ROBO1: variants seen among roughly 807,000 people sequenced by gnomAD.
The protein encoded by ROBO1 is roundabout homolog 1.
Under a neutral mutation model 195.9 loss-of-function variants are expected in ROBO1, and 149 were observed. That is an observed-to-expected ratio of 0.76 (90% confidence interval 0.67 to 0.87). The LOEUF (loss-of-function observed/expected upper bound fraction) is 0.87, where lower values mean the gene tolerates loss of function less well. Ranked by LOEUF, ROBO1 falls within the 40% of genes least tolerant of loss-of-function variation. The pLI, the probability that ROBO1 is intolerant of heterozygous loss-of-function variation, is 0.00. For synonymous variants in ROBO1, 816 were observed against 733.2 expected (o/e 1.11, Z -1.82); for missense variants, 1,933 against 2,068.3 (o/e 0.93, Z 1.27).
intron 23 of ROBO1, 149 bp downstream of exon 23, chr3:78,635,624 C>T (rs1705446754): frequency 3.2e-6 from 2 of 616,194 alleles, no homozygotes; most frequent in Non-Finnish European, 5.4e-6. Context: ...AACTCTTTGA[C>T]ACTGGAAATT....
chr3:78,774,620 TC>T (rs776789183), intron 4 of ROBO1, among the ~76,000 whole-genome samples: 1,880 of 58,246 alleles, frequency 0.032, 43 homozygotes, highest in Admixed American at 0.13. Context: ...AAAAAAAAAA[TC>T]TACCACTTGA....
At chr3:78,822,497 A>C (rs939202750) in intron 4 of ROBO1, among the ~76,000 whole-genome samples, 1 of 152,220 alleles carries the variant, frequency 6.6e-6, no homozygotes, top group African/African-American at 2.4e-5. Context: ...CCAAGGGACT[A>C]GAGAATGAGC....
intron 3 of ROBO1, among the ~76,000 whole-genome samples, chr3:79,023,598 C>T (rs1419635279): frequency 4.0e-5 from 6 of 150,570 alleles, no homozygotes; most frequent in Admixed American, 4.0e-4. Context: ...AAACAAAAAT[C>T]ACAGGGAGGA....
chr3:78,961,350 G>C (rs1229469811), intron 3 of ROBO1, among the ~76,000 whole-genome samples: 2 of 152,184 alleles, frequency 1.3e-5, no homozygotes, highest in Non-Finnish European at 2.9e-5. Flanking sequence ...ATAACCCACA[G>C]AATGCTTGTT....
intron 2 of ROBO1, among the ~76,000 whole-genome samples, chr3:79,408,676 T>A (rs1235258241): frequency 2.0e-5 from 3 of 152,116 alleles, no homozygotes; most frequent in African/African-American, 4.8e-5. Flanking sequence ...AGATGTTATA[T>A]CTTAAGCTGT....
chr3:79,368,508 G>C (rs1362437743), intron 2 of ROBO1, among the ~76,000 whole-genome samples: 1 of 151,998 alleles, frequency 6.6e-6, no homozygotes, highest in Non-Finnish European at 1.5e-5. Flanking sequence ...TTTTCTGGGA[G>C]CTCAGAGCTC....
At chr3:79,683,811 T>C (rs1290506826) in intron 1 of ROBO1, among the ~76,000 whole-genome samples, 1 of 152,138 alleles carries the variant, frequency 6.6e-6, no homozygotes, top group African/African-American at 2.4e-5. Context: ...TAATATTTCA[T>C]TGTTTGGATA....
intron 4 of ROBO1, among the ~76,000 whole-genome samples, chr3:78,774,696 AAAC>A (rs973664053): frequency 4.6e-5 from 7 of 152,206 alleles, no homozygotes; most frequent in African/African-American, 1.2e-4. Context: ...GTTACAAAGC[AAAC>A]AACAATAGGA....
At chr3:78,634,193 T>C (rs372805746) in intron 23 of ROBO1, among the ~76,000 whole-genome samples, 151 bp from the exon 24 acceptor site, 7 of 152,130 alleles carry the variant, frequency 4.6e-5, no homozygotes, top group African/African-American at 1.4e-4. Context: ...ATTCAGATTG[T>C]CAGGATATAA....
intron 1 of ROBO1, among the ~76,000 whole-genome samples, chr3:79,765,660 T>A (rs1704946381): frequency 6.6e-6 from 1 of 152,130 alleles, no homozygotes; most frequent in African/African-American, 2.4e-5. Context: ...TTTTTTGTAA[T>A]TATTATATCC....
At chr3:79,692,744 TATATC>T (rs1215074539) in intron 1 of ROBO1, among the ~76,000 whole-genome samples, 1 of 151,834 alleles carries the variant, frequency 6.6e-6, no homozygotes, top group East Asian at 1.9e-4. Flanking sequence ...ATATATATTG[TATATC>T]ATATGACTAT....
chr3:79,172,470 G>A (rs146746179), intron 2 of ROBO1, among the ~76,000 whole-genome samples: 5 of 152,246 alleles, frequency 3.3e-5, no homozygotes, highest in East Asian at 3.9e-4. Flanking sequence ...TGGATTGCCC[G>A]TGTAAGGAAG....
At chr3:79,098,483 G>A (rs968788703) in intron 3 of ROBO1, among the ~76,000 whole-genome samples, 4 of 151,796 alleles carry the variant, frequency 2.6e-5, no homozygotes, top group African/African-American at 9.7e-5. Context: ...CTCAGGGGCT[G>A]TCTGTCTCAG....
At chr3:78,879,757 T>C (rs986606352) in intron 4 of ROBO1, among the ~76,000 whole-genome samples, 1 of 152,270 alleles carries the variant, frequency 6.6e-6, no homozygotes, top group Admixed American at 6.5e-5. Flanking sequence ...CTTTGGGAAC[T>C]GGCTCTTGTT....
chr3:78,813,086 GATTC>G (rs2084791126), intron 4 of ROBO1, among the ~76,000 whole-genome samples: 2 of 151,894 alleles, frequency 1.3e-5, no homozygotes, highest in African/African-American at 4.8e-5. Context: ...CATTTTAAGT[GATTC>G]ATTAACAAAA....
At chr3:78,843,673 T>G (rs2033443971) in intron 4 of ROBO1, among the ~76,000 whole-genome samples, 1 of 152,046 alleles carries the variant, frequency 6.6e-6, no homozygotes, top group Admixed American at 6.6e-5. Context: ...TGAAAACAAA[T>G]GATACAATAT....
intron 25 of ROBO1, among the ~76,000 whole-genome samples, chr3:78,627,907 T>A (rs182520514): frequency 6.6e-6 from 1 of 152,212 alleles, no homozygotes; most frequent in East Asian, 1.9e-4. Flanking sequence ...AAAGATGGTA[T>A]TACAGAGGAC....
intron 4 of ROBO1, among the ~76,000 whole-genome samples, chr3:78,900,242 G>C (rs942133441): frequency 6.6e-6 from 1 of 152,104 alleles, no homozygotes; most frequent in African/African-American, 2.4e-5. Context: ...AATTTGGTTT[G>C]CCAGGGGAAT....
At chr3:79,218,492 C>T (rs2082088370) in intron 2 of ROBO1, among the ~76,000 whole-genome samples, 2 of 151,932 alleles carry the variant, frequency 1.3e-5, no homozygotes, top group African/African-American at 4.8e-5. Context: ...CAAAATGCAT[C>T]TCTCTTATAC....
Sources: allele counts gnomAD v4.1 joint callset (sites outside exome capture counted in the v4.1 genomes callset), GRCh38; gene constraint gnomAD v4.1.1; transcripts MANE v1.5; gene names NCBI Gene and HGNC (gene_info 2026-07-23, HGNC 2026-07-21).